Variants in MLIP observed in about 807,000 individuals in gnomAD.
MLIP encodes muscular LMNA interacting protein.
A neutral mutation model predicts 84.8 loss-of-function variants in MLIP; 79 were observed. The ratio of observed to expected loss-of-function variants is 0.93; its 90% confidence interval spans 0.78 to 1.12. MLIP has a LOEUF of 1.12. Among genes scored for constraint, MLIP ranks in the 50% most tolerant of loss-of-function variants. MLIP has a pLI of 0.00. For missense variants in MLIP, 1,257 were observed against 1,160.6 expected (o/e 1.08, Z -1.21); for synonymous variants, 504 against 463.0 (o/e 1.09, Z -1.14).
At chr6:54,019,007 C>T in exon 1 of MLIP, 1 of 1,591,134 alleles carries the variant, frequency 6.3e-7, no homozygotes, top group Non-Finnish European at 8.6e-7. Context: ...CAGTCTTTCT[C>T]TCTTTCTCAT....
At chr6:54,048,824 G>T (rs1765217998) in intron 1 of MLIP, among the ~76,000 whole-genome samples, 4 of 152,026 alleles carry the variant, frequency 2.6e-5, no homozygotes, top group Admixed American at 2.6e-4. Context: ...TCTTGTATTG[G>T]CTGAGTTTTA....
intron 12 of MLIP, among the ~76,000 whole-genome samples, chr6:54,239,875 CAATA>C (rs1310877073): frequency 2.0e-5 from 3 of 152,060 alleles, no homozygotes; most frequent in African/African-American, 7.2e-5. Context: ...CCCTTCCAGT[CAATA>C]AATATTTTTA....
chr6:54,197,976 T>C (rs1562046940), intron 10 of MLIP, among the ~76,000 whole-genome samples: 1 of 152,056 alleles, frequency 6.6e-6, no homozygotes, highest in Non-Finnish European at 1.5e-5. Flanking sequence ...AAAGTTGCAA[T>C]GTAGATGAGG....
intron 8 of MLIP, among the ~76,000 whole-genome samples, chr6:54,169,070 G>A (rs1775502487): frequency 6.6e-6 from 1 of 151,744 alleles, no homozygotes; most frequent in Admixed American, 6.6e-5. Context: ...AGGAGGTAGA[G>A]TTCTGAGTGT....
intron 12 of MLIP, among the ~76,000 whole-genome samples, chr6:54,238,412 C>A (rs1335476811): frequency 6.6e-6 from 1 of 152,178 alleles, no homozygotes; most frequent in Admixed American, 6.5e-5. Context: ...TTTCAGTATT[C>A]CCACTTAATT....
intron 9 of MLIP, among the ~76,000 whole-genome samples, chr6:54,177,745 G>T (rs1292701468): frequency 6.6e-6 from 1 of 152,158 alleles, no homozygotes; most frequent in Non-Finnish European, 1.5e-5. Flanking sequence ...ATATGCAAGT[G>T]TATGTTAATT....
intron 1 of MLIP, among the ~76,000 whole-genome samples, chr6:54,071,278 A>G (rs1236543889): frequency 2.0e-5 from 3 of 152,166 alleles, no homozygotes; most frequent in Admixed American, 2.0e-4. Context: ...AATGAACATG[A>G]CAAACTTTAA....
chr6:54,108,127 C>G (rs1388473826), upstream of MLIP, among the ~76,000 whole-genome samples: 2 of 151,986 alleles, frequency 1.3e-5, no homozygotes, highest in Non-Finnish European at 2.9e-5. Flanking sequence ...ATCAATAATG[C>G]CAGATTTTAA....
At chr6:54,020,469 G>A (rs1763434456) in intron 1 of MLIP, among the ~76,000 whole-genome samples, 1 of 152,160 alleles carries the variant, frequency 6.6e-6, no homozygotes, top group African/African-American at 2.4e-5. Context: ...AAACCAGATA[G>A]GGAGTAACTA....
intron 1 of MLIP, among the ~76,000 whole-genome samples, chr6:54,113,423 C>T (rs1019413135): frequency 6.6e-6 from 1 of 152,028 alleles, no homozygotes; most frequent in Non-Finnish European, 1.5e-5. Context: ...TGTTGTATTA[C>T]GTATTGTTGA....
intron 10 of MLIP, among the ~76,000 whole-genome samples, chr6:54,197,478 T>C (rs1778381002): frequency 6.6e-6 from 1 of 152,090 alleles, no homozygotes; most frequent in Admixed American, 6.6e-5. Flanking sequence ...GCAAAACAGC[T>C]ATTTGTCTTT....
At chr6:54,184,091 T>G (rs545790210) in intron 9 of MLIP, among the ~76,000 whole-genome samples, 56 of 152,286 alleles carry the variant, frequency 3.7e-4, no homozygotes, top group African/African-American at 1.3e-3. Context: ...CCAATTCTTA[T>G]TTTGAGTGTT....
intron 12 of MLIP, among the ~76,000 whole-genome samples, chr6:54,251,839 TAA>T (rs1782556512): frequency 2.5e-5 from 2 of 80,158 alleles, no homozygotes; most frequent in Non-Finnish European, 4.2e-5. Context: ...ATATATATTA[TAA>T]CATATAATAT....
intron 9 of MLIP, among the ~76,000 whole-genome samples, chr6:54,184,310 A>T (rs1202601859): frequency 6.6e-6 from 1 of 152,216 alleles, no homozygotes; most frequent in Non-Finnish European, 1.5e-5. Context: ...GAAAGGCAAA[A>T]AAAGCATGCT....
Position 54,029,631 on chromosome 6 carries a change from C to CT in MLIP, c.63+10549dup, listed in dbSNP as rs565914810. ...TTCAAATACATTTTAAACCCAGCAA[C>CT]TTTTTTTTTCTGTTCAGGGTATCAT... On this transcript the variant is annotated intron_variant, in intron 1 of 12. Transcript: ENST00000274897. Among the ~76,000 whole-genome samples, 106 of 151,678 alleles carry CT rather than the reference C, an allele frequency of 7.0e-4. 3 individuals carry two copies. The South Asian group carries it at 0.021, about 30-fold the overall frequency.
rs186995473 is a variant in MLIP, at chr6:54,183,694, G to A, written c.2545-6176G>A. Among the ~76,000 whole-genome samples, 7 of 148,534 alleles carry A rather than the reference G, an allele frequency of 4.7e-5. 1 individual carries two copies. The highest frequency in any genetic ancestry group is 2.7e-4 in the Admixed American group (4 of 14,856). On this transcript the variant is annotated intron_variant, in intron 9 of 13. Coordinates refer to ENST00000502396, the MANE Select transcript of MLIP (RefSeq NM_001281747.2). The stretch of plus-strand genomic sequence containing the variant: ...CTTTATATTAGATATTATGAGGGGC[G>A]TATTACTAACTTAGAAATGGTCTTT...
chr6:54,234,482 C>T (rs555110515), intron 12 of MLIP, among the ~76,000 whole-genome samples: 1 of 152,006 alleles, frequency 6.6e-6, no homozygotes, highest in Non-Finnish European at 1.5e-5. Flanking sequence ...TATGCAGAAG[C>T]CTAAAAAACA....
intron 3 of MLIP, among the ~76,000 whole-genome samples, chr6:54,126,943 C>A (rs942075023): frequency 1.3e-5 from 2 of 152,058 alleles, no homozygotes. Context: ...CTTTCCATGA[C>A]CTAGCCTAGG....
intron 11 of MLIP, chr6:54,216,149 G>A: frequency 3.0e-6 from 3 of 985,012 alleles, no homozygotes; most frequent in Non-Finnish European, 3.6e-6. Context: ...ACTATCAAAG[G>A]GCTCTAAAGA....
Sources: allele counts gnomAD v4.1 joint callset (sites outside exome capture counted in the v4.1 genomes callset), GRCh38; gene constraint gnomAD v4.1.1; transcripts MANE v1.5; gene names NCBI Gene and HGNC (gene_info 2026-07-23, HGNC 2026-07-21).